AOAH: variants seen among roughly 807,000 people sequenced by gnomAD.
The protein encoded by AOAH is acyloxyacyl hydrolase.
In AOAH, 64 loss-of-function variants were observed where a neutral mutation model predicts 92.2. The ratio of observed to expected loss-of-function variants is 0.69; its 90% CI spans 0.57 to 0.86. The LOEUF (loss-of-function observed/expected upper bound fraction) is 0.86. Among genes scored for constraint, AOAH ranks in the 40% least tolerant of loss-of-function variants. AOAH has a pLI of 0.00. For synonymous variants in AOAH, 263 were observed against 254.5 expected (o/e 1.03, Z -0.32); for missense variants, 656 against 694.6 (o/e 0.94, Z 0.62).
intron 13 of AOAH, among the ~76,000 whole-genome samples, chr7:36,575,321 C>T (rs1277282292): frequency 1.3e-5 from 2 of 152,194 alleles, no homozygotes; most frequent in African/African-American, 4.8e-5. Context: ...AGTGTCTCCT[C>T]TGTAACTTAC....
intron 13 of AOAH, among the ~76,000 whole-genome samples, chr7:36,568,019 A>T (rs1222931072): frequency 6.6e-6 from 1 of 152,184 alleles, no homozygotes; most frequent in Non-Finnish European, 1.5e-5. Flanking sequence ...TAATATGTGC[A>T]TTGCACGTGT....
At chr7:36,683,349 G>A (rs1796761250) in intron 2 of AOAH, among the ~76,000 whole-genome samples, 1 of 152,174 alleles carries the variant, frequency 6.6e-6, no homozygotes, top group South Asian at 2.1e-4. Context: ...TAGAAGGGCT[G>A]GTGGTGAACA....
Position 36,532,591 on chromosome 7 carries a change from C to T in AOAH, c.1307-247G>A, listed in dbSNP as rs537451004. 1.1e-3 allele frequency among the ~76,000 whole-genome samples: 167 copies of T among 152,242 alleles called. 1 individual carries two copies. Among genetic ancestry groups the T allele is most frequent in the African/African-American group, 3.7e-3 (154 of 41,548 alleles). The stretch of plus-strand genomic sequence containing the variant: ...GCCATATAGAGCTGTGGGCATGGGC[C>T]TGGATGGGGCTGGGGGAAGTGGCCT... On this transcript the variant is annotated intron_variant, in intron 16 of 20. Coordinates refer to ENST00000617537, the MANE Select transcript of AOAH (RefSeq NM_001637.4).
chr7:36,617,490 C>T (rs1452003964), intron 10 of AOAH, among the ~76,000 whole-genome samples: 1 of 152,202 alleles, frequency 6.6e-6, no homozygotes, highest in Non-Finnish European at 1.5e-5. Context: ...TAAGTTGATA[C>T]ACAGCAAAGA....
intron 19 of AOAH, among the ~76,000 whole-genome samples, chr7:36,528,383 T>C (rs979075647): frequency 6.6e-6 from 1 of 152,188 alleles, no homozygotes; most frequent in African/African-American, 2.4e-5. Context: ...GATGAGGCCC[T>C]GCTTCCAAGC....
Position 36,724,107 on chromosome 7 carries a change from G to C in AOAH, c.42C>G (p.Phe14Leu), listed in dbSNP as rs1294305059. 3 of 1,613,478 alleles carry C rather than the reference G, an allele frequency of 1.9e-6. No homozygotes were observed. The highest frequency in any genetic ancestry group is 1.7e-5 in the Admixed American group (1 of 59,974). The change falls in exon 1 of 21, where the codon TTC (phenylalanine) becomes TTG (leucine). Residue 14 changes from phenylalanine (F) to leucine (L), a missense_variant. Phe to Leu is a conservative substitution (Grantham distance 22). Coordinates refer to ENST00000617537, the MANE Select transcript of AOAH (RefSeq NM_001637.4). The stretch of plus-strand genomic sequence containing the variant: ...CCGAGGACTGAAGAGACAGGAGCAA[G>C]AATAGAGGCGCCACCGTAAGGATTT... ...PWKILTVAPL[F>L]LLLSLQSSAS... is the part of the protein sequence containing the mutation.
chr7:36,614,918 C>T lies in AOAH; in HGVS notation c.846+1462G>A, dbSNP rs1255899046. Among the ~76,000 whole-genome samples the T allele has an allele frequency of 6.6e-6, 1 of 152,156 alleles. No individual in the cohort carries two copies. Among genetic ancestry groups the T allele is most frequent in the Non-Finnish European group, 1.5e-5 (1 of 68,020 alleles). On this transcript the variant is annotated intron_variant, in intron 11 of 20. Transcript: ENST00000617537. The surrounding 1 kb of genome is among the most constrained non-coding windows in gnomAD (Gnocchi z 4.2). ...GAGATTCCTGGCTTACCTGGGGACC[C>T]ATGGAACACTGGCAGGAGGAGGAAC...
At chr7:36,592,448 C>A (rs1255189243) in intron 12 of AOAH, among the ~76,000 whole-genome samples, 1 of 152,192 alleles carries the variant, frequency 6.6e-6, no homozygotes, top group Non-Finnish European at 1.5e-5. Flanking sequence ...CACACCTCTA[C>A]ATGGGGAGGA....
chr7:36,606,979 TGA>T (rs772131877), intron 11 of AOAH, among the ~76,000 whole-genome samples: 11 of 152,148 alleles, frequency 7.2e-5, no homozygotes, highest in Admixed American at 6.5e-4. Flanking sequence ...TCTGGAACCA[TGA>T]GAGAGAGTCT....
chr7:36,522,244 G>A (rs1352869005), intron 19 of AOAH, 129 bp from the exon 20 acceptor site: 2 of 710,660 alleles, frequency 2.8e-6, no homozygotes, highest in Non-Finnish European at 4.9e-6. Context: ...CTGCCTCTGA[G>A]CTGCTCTCTT....
In AOAH at chr7:36,707,414, T is replaced by C. The variant is rs141796980; in HGVS notation, c.127+16608A>G. On this transcript the variant is annotated intron_variant, in intron 1 of 20. Transcript: ENST00000617537. ...ACTGAACACAGAGCCACACTACAGA[T>C]ATAATAATGAAAAAGTTTGAAATAT... Among the ~76,000 whole-genome samples, 339 of 152,192 alleles carry C rather than the reference T, an allele frequency of 2.2e-3. 3 individuals are homozygous for C. The highest frequency in any genetic ancestry group is 7.9e-3 in the African/African-American group (329 of 41,540).
chr7:36,523,510 A>C lies in AOAH; in HGVS notation c.1523-1395T>G, dbSNP rs573811000. Among the ~76,000 whole-genome samples, 3 of 152,254 alleles carry C rather than the reference A, an allele frequency of 2.0e-5. No individual in the cohort carries two copies. The South Asian group carries it at 6.2e-4, about 32-fold the overall frequency. ...CTCATGAAAGTTTATTTGTTCTGCC[A>C]AGCCAGCATGCAGCTTTCAACAATT... On this transcript the variant is annotated intron_variant, in intron 19 of 20. Coordinates refer to ENST00000617537, the MANE Select transcript of AOAH (RefSeq NM_001637.4).
chr7:36,626,730 T>C (rs945627660), intron 6 of AOAH, among the ~76,000 whole-genome samples: 1 of 152,210 alleles, frequency 6.6e-6, no homozygotes, highest in Non-Finnish European at 1.5e-5. Flanking sequence ...TACTAGAATA[T>C]AAAAAACCTG....
intron 11 of AOAH, among the ~76,000 whole-genome samples, chr7:36,613,110 T>A (rs1791588967): frequency 6.6e-6 from 1 of 152,196 alleles, no homozygotes; most frequent in Non-Finnish European, 1.5e-5. Context: ...TGGGAAGGCA[T>A]ATGTCTGGTA....
chr7:36,659,160 A>G lies in AOAH; in HGVS notation c.390+6T>C. The G allele has an allele frequency of 6.2e-7, 1 of 1,609,258 alleles. No individual in the cohort carries two copies. The highest frequency in any genetic ancestry group is 8.5e-7 in the Non-Finnish European group (1 of 1,175,610). Reference sequence around the variant, plus strand: ...AAACAGATGTTCAGAGTGATTACACACTCACCTTGGGAAGAGGGTAGAGAT... The same window carrying G: ...AAACAGATGTTCAGAGTGATTACACGCTCACCTTGGGAAGAGGGTAGAGAT... On this transcript the variant is annotated splice_donor_region_variant and intron_variant, in intron 4 of 20. Coordinates refer to ENST00000617537, the MANE Select transcript of AOAH (RefSeq NM_001637.4).
At chr7:36,526,100 T>C (rs1784383817) in intron 19 of AOAH, among the ~76,000 whole-genome samples, 1 of 152,208 alleles carries the variant, frequency 6.6e-6, no homozygotes, top group Admixed American at 6.5e-5. Flanking sequence ...AAATTATTCC[T>C]GTCTCTCAAC....
intron 13 of AOAH, among the ~76,000 whole-genome samples, chr7:36,567,983 A>G (rs1787830979): frequency 6.6e-6 from 1 of 152,242 alleles, no homozygotes; most frequent in African/African-American, 2.4e-5. Context: ...AGGCAGATTC[A>G]CAAGAGAAAA....
intron 18 of AOAH, 150 bp downstream of exon 18, chr7:36,531,997 G>A (rs1784722535): frequency 3.5e-6 from 3 of 867,190 alleles, no homozygotes; most frequent in Middle Eastern, 3.2e-4. Context: ...AGGTTCTCTC[G>A]GCTCCTCAAG....
At chr7:36,543,168 T>C (rs1785537343) in intron 15 of AOAH, among the ~76,000 whole-genome samples, 2 of 152,174 alleles carry the variant, frequency 1.3e-5, no homozygotes, top group Admixed American at 1.3e-4. Context: ...AAAATTACAC[T>C]ATTTTAAAAA....
Sources: allele counts gnomAD v4.1 joint callset (sites outside exome capture counted in the v4.1 genomes callset), GRCh38; gene constraint gnomAD v4.1.1; non-coding constraint Gnocchi (gnomAD v3.1); transcripts MANE v1.5; gene names NCBI Gene and HGNC (gene_info 2026-07-23, HGNC 2026-07-21).